The following XYLT1 variants were observed in gnomAD, a reference collection of about 807,000 sequenced individuals.
XYLT1 encodes beta-D-xylosyltransferase 1.
In XYLT1, 36 loss-of-function variants were observed where a neutral mutation model predicts 91.3. The ratio of observed to expected loss-of-function variants is 0.39; its 90% CI spans 0.30 to 0.52. The LOEUF (loss-of-function observed/expected upper bound fraction) is 0.52, where lower values mean the gene tolerates loss of function less well. Ranked by LOEUF, XYLT1 falls within the 20% of genes least tolerant of loss-of-function variation. The pLI is 0.68. For missense variants in XYLT1, 1,242 were observed against 1,284.5 expected, an observed-to-expected ratio of 0.97 and a Z score of 0.51; for synonymous variants, 588 against 532.0, an observed-to-expected ratio of 1.11 and a Z score of -1.45.
Position 17,424,418 on chromosome 16 carries a change from AT to A in XYLT1, c.363+46015del, listed in dbSNP as rs374198925. Among the ~76,000 whole-genome samples the A allele has an allele frequency of 3.8e-3, 583 of 152,356 alleles. 3 individuals are homozygous for A. The highest frequency in any genetic ancestry group is 0.013 in the African/African-American group (560 of 41,582). Reference sequence around the variant, plus strand: ...AATACTTATGTATTTATGCTGATGTATGAGAAGACGATAGGCTTCATGAAGA... The same window carrying A: ...AATACTTATGTATTTATGCTGATGTAGAGAAGACGATAGGCTTCATGAAGA... On this transcript the variant is annotated intron_variant, in intron 1 of 11. Coordinates refer to ENST00000261381, the MANE Select transcript of XYLT1 (RefSeq NM_022166.4).
intron 2 of XYLT1, among the ~76,000 whole-genome samples, chr16:17,332,935 A>G (rs908486054): frequency 6.6e-6 from 1 of 152,128 alleles, no homozygotes; most frequent in African/African-American, 2.4e-5. Context: ...AGTGGGTAAC[A>G]AGGGCAGAGT....
chr16:17,323,960 C>A (rs1211555311), intron 2 of XYLT1, among the ~76,000 whole-genome samples: 4 of 152,158 alleles, frequency 2.6e-5, no homozygotes, highest in Non-Finnish European at 4.4e-5. Context: ...TAAAATGCAA[C>A]CCGTATCTAC....
intron 2 of XYLT1, among the ~76,000 whole-genome samples, chr16:17,280,072 T>G (rs1567354279): frequency 6.6e-6 from 1 of 152,202 alleles, no homozygotes; most frequent in Non-Finnish European, 1.5e-5. Flanking sequence ...CTATCCAGGC[T>G]GGGCGTGGTG....
intron 5 of XYLT1, among the ~76,000 whole-genome samples, chr16:17,196,790 C>T (rs1225349650): frequency 6.6e-6 from 1 of 151,892 alleles, no homozygotes; most frequent in Non-Finnish European, 1.5e-5. Flanking sequence ...AAATAACAGC[C>T]TGGCACGATG....
intron 9 of XYLT1, among the ~76,000 whole-genome samples, chr16:17,129,812 A>G (rs1333245167): frequency 6.6e-6 from 1 of 152,226 alleles, no homozygotes; most frequent in Non-Finnish European, 1.5e-5. Context: ...AAAGATAGTC[A>G]TGAAAGAGCC....
chr16:17,418,244 T>C (rs1246393324), intron 1 of XYLT1, among the ~76,000 whole-genome samples: 1 of 152,204 alleles, frequency 6.6e-6, no homozygotes, highest in Non-Finnish European at 1.5e-5. Context: ...GTACACACCT[T>C]AGGCAGCAGC....
chr16:17,294,265 G>A (rs1186525599), intron 2 of XYLT1, among the ~76,000 whole-genome samples: 4 of 152,086 alleles, frequency 2.6e-5, no homozygotes, highest in East Asian at 3.9e-4. Context: ...TCTGGGTACC[G>A]CGGACAGGTG....
chr16:17,425,043 T>G (rs904219684), intron 1 of XYLT1, among the ~76,000 whole-genome samples: 3 of 152,096 alleles, frequency 2.0e-5, no homozygotes, highest in Non-Finnish European at 4.4e-5. Flanking sequence ...TCCAGCCTCA[T>G]TAGGGTTTGG....
chr16:17,200,282 G>A (rs961192440), intron 4 of XYLT1, among the ~76,000 whole-genome samples, 200 bp downstream of exon 4: 3 of 151,804 alleles, frequency 2.0e-5, no homozygotes, highest in East Asian at 3.9e-4. Context: ...ATTGTAAGTC[G>A]CAGCTGGAAA....
At chr16:17,114,411 G>A (rs1192299413) in intron 11 of XYLT1, among the ~76,000 whole-genome samples, 2 of 152,184 alleles carry the variant, frequency 1.3e-5, no homozygotes, top group African/African-American at 4.8e-5. Context: ...TGCTACCTCT[G>A]GGGTGGAGAG....
chr16:17,192,126 T>G (rs2032324606), intron 5 of XYLT1, among the ~76,000 whole-genome samples: 1 of 148,264 alleles, frequency 6.7e-6, no homozygotes, highest in Non-Finnish European at 1.5e-5. Flanking sequence ...TAGATGGAGT[T>G]TCACTCCTGC....
chr16:17,465,942 C>A (rs1285639799), intron 1 of XYLT1, among the ~76,000 whole-genome samples: 4 of 152,132 alleles, frequency 2.6e-5, no homozygotes, highest in African/African-American at 9.7e-5. Context: ...AGATTAGGGG[C>A]ATGAGAAAGG....
intron 7 of XYLT1, among the ~76,000 whole-genome samples, chr16:17,140,658 CAAAAAAAAAAAAAAA>C (rs71137974): frequency 4.4e-5 from 3 of 68,004 alleles, no homozygotes; most frequent in South Asian, 7.1e-4. Flanking sequence ...AAGACTGTCT[CAAAAAAAAAAAAAAA>C]AAAAAAAAAA....
chr16:17,454,776 G>C (rs992109723), intron 1 of XYLT1, among the ~76,000 whole-genome samples: 2 of 151,958 alleles, frequency 1.3e-5, no homozygotes, highest in African/African-American at 4.8e-5. Flanking sequence ...CTGGCCCCAA[G>C]TGACCCACCC....
At chr16:17,256,847 G>A (rs527751173) in intron 3 of XYLT1, among the ~76,000 whole-genome samples, 18 of 152,266 alleles carry the variant, frequency 1.2e-4, no homozygotes, top group African/African-American at 3.9e-4. Flanking sequence ...CCGGTGGAAC[G>A]GAAAGCCCTT....
intron 2 of XYLT1, among the ~76,000 whole-genome samples, chr16:17,284,712 T>A (rs376425139): frequency 6.6e-6 from 1 of 151,992 alleles, no homozygotes; most frequent in African/African-American, 2.4e-5. Flanking sequence ...AGCCCAGGAG[T>A]TCGAGGCTGC....
chr16:17,334,801 T>C (rs1428459113), intron 2 of XYLT1, among the ~76,000 whole-genome samples: 1 of 152,048 alleles, frequency 6.6e-6, no homozygotes, highest in East Asian at 1.9e-4. Flanking sequence ...GAGAATGGCG[T>C]GAACCTAGGA....
chr16:17,294,213 G>A (rs990744718), intron 2 of XYLT1, among the ~76,000 whole-genome samples: 8 of 152,114 alleles, frequency 5.3e-5, no homozygotes, highest in African/African-American at 1.9e-4. Context: ...AAGCAGAGTG[G>A]GGAAGGGAAA....
chr16:17,317,223 CTG>C (rs1170328964), intron 2 of XYLT1, among the ~76,000 whole-genome samples: 1 of 152,190 alleles, frequency 6.6e-6, no homozygotes, highest in Non-Finnish European at 1.5e-5. Context: ...GGTTCCTTGA[CTG>C]TAACTTCTCT....
Sources: gnomAD v4.1 joint callset for allele counts (sites outside exome capture counted in the v4.1 genomes callset) on GRCh38, gnomAD v4.1.1 for gene constraint, MANE v1.5 for transcripts, NCBI Gene and HGNC (gene_info 2026-07-23, HGNC 2026-07-21) for gene names.